Variants in HERC6 observed in about 807,000 individuals in gnomAD.
The protein encoded by HERC6 is probable E3 ubiquitin-protein ligase HERC6.
Under a neutral mutation model 114.5 loss-of-function variants are expected in HERC6, and 101 were observed. The ratio of observed to expected loss-of-function variants is 0.88; its 90% CI spans 0.75 to 1.04. The LOEUF (loss-of-function observed/expected upper bound fraction) is 1.04. Among genes scored for constraint, HERC6 ranks in the 50% least tolerant of loss-of-function variants. The pLI is 0.00. For synonymous variants in HERC6, 408 were observed against 436.2 expected (o/e 0.94, Z 0.81); for missense variants, 1,133 against 1,230.9 (o/e 0.92, Z 1.19).
At position 88,400,486 on chromosome 4, in the gene HERC6, C is replaced by T. The variant is rs930797898; in HGVS notation, c.1092+2277C>T. On this transcript the variant is annotated intron_variant, in intron 8 of 22. Transcript: ENST00000264346. ...TGCTGGGATTACAGGTGTATACCAC[C>T]GTGCCTGGCTCCCAGTAGTACCTCT... Among the ~76,000 whole-genome samples, 4 of 152,308 alleles carry T rather than the reference C, an allele frequency of 2.6e-5. No individual in the cohort carries two copies. The South Asian group carries it at 6.2e-4, about 24-fold the overall frequency.
intron 3 of HERC6, among the ~76,000 whole-genome samples, chr4:88,388,814 A>G (rs931595132): frequency 6.6e-6 from 1 of 152,152 alleles, no homozygotes; most frequent in Admixed American, 6.6e-5. Flanking sequence ...CAGACACGGG[A>G]GGGCCTCAGA....
intron 1 of HERC6, among the ~76,000 whole-genome samples, chr4:88,379,780 T>TAA: frequency 1.1e-5 from 1 of 94,572 alleles, no homozygotes; most frequent in Non-Finnish European, 1.9e-5. Flanking sequence ...TATAAATATA[T>TAA]ATATAACATA....
chr4:88,396,245 C>T, intron 6 of HERC6, 103 bp downstream of exon 6: 1 of 986,478 alleles, frequency 1.0e-6, no homozygotes, highest in Admixed American at 3.5e-5. Flanking sequence ...CTTAAAATTC[C>T]TGCCTGAAAA....
chr4:88,437,096 A>G, intron 19 of HERC6, 125 bp downstream of exon 19: 3 of 638,508 alleles, frequency 4.7e-6, no homozygotes, highest in Non-Finnish European at 7.7e-6. Context: ...TCACTCTGTC[A>G]CCCAGGTTGG....
chr4:88,405,432 A>G (rs892695365), intron 9 of HERC6, 122 bp from the exon 10 acceptor site: 6 of 510,066 alleles, frequency 1.2e-5, no homozygotes, highest in Non-Finnish European at 2.1e-5. Context: ...GACTCTTAAG[A>G]GAGTAGTTAT....
At chr4:88,432,318 G>A (rs1738301134) in intron 17 of HERC6, among the ~76,000 whole-genome samples, 1 of 151,450 alleles carries the variant, frequency 6.6e-6, no homozygotes. Context: ...AAAACTCTGA[G>A]ATCTGAAACA....
chr4:88,402,070 G>A (rs1735571049), intron 8 of HERC6, among the ~76,000 whole-genome samples: 1 of 152,150 alleles, frequency 6.6e-6, no homozygotes, highest in Admixed American at 6.5e-5. Context: ...GATGAAAGAG[G>A]GTGATGAATC....
Position 88,437,767 on chromosome 4 carries a change from G to A in HERC6, c.2541G>A (p.Val847=). 1 of 1,606,788 alleles carries A rather than the reference G, an allele frequency of 6.2e-7. No homozygotes were observed. The highest frequency in any genetic ancestry group is 8.5e-7 in the Non-Finnish European group (1 of 1,175,956). Residue 847 remains valine, a synonymous_variant, in exon 20 of 23, where the codon GTG becomes GTA. Coordinates refer to ENST00000264346, the MANE Select transcript of HERC6 (RefSeq NM_017912.4). ...DLIPNGISIP[V]DQTNKRDYVS... ...TTCCAAATGGGATCTCCATACCTGT[G>A]GACCAAACCAACAAGTAAGTTTTGA...
At chr4:88,437,968 G>A (rs982337051) in intron 20 of HERC6, among the ~76,000 whole-genome samples, 187 bp downstream of exon 20, 5 of 151,864 alleles carry the variant, frequency 3.3e-5, no homozygotes, top group Admixed American at 2.0e-4. Flanking sequence ...GCGAAACCCC[G>A]TCTCTACTAC....
intron 4 of HERC6, 41 bp downstream of exon 4, chr4:88,390,920 T>C: frequency 6.5e-7 from 1 of 1,527,322 alleles, no homozygotes; most frequent in Non-Finnish European, 8.9e-7. Context: ...TCATTCTTTC[T>C]TTCCAGGTGG....
chr4:88,393,862 A>C (rs1453584390), intron 5 of HERC6, among the ~76,000 whole-genome samples: 1 of 152,110 alleles, frequency 6.6e-6, no homozygotes, highest in African/African-American at 2.4e-5. Context: ...TAGTGAAGGG[A>C]GTGAGGGGTC....
rs1739418257 is a variant in HERC6, at chr4:88,442,245, G to T, written c.2854G>T (p.Gly952Ter). 1 of 1,610,396 alleles carries T rather than the reference G, an allele frequency of 6.2e-7. No homozygotes were observed. Among genetic ancestry groups the T allele is most frequent in the East Asian group, 2.2e-5 (1 of 44,842 alleles). Residue 952 changes from glycine (G) to a stop codon, truncating the protein, a stop_gained, in exon 23 of 23, where the codon GGA becomes TGA. Transcript: ENST00000264346. LOFTEE classifies it low-confidence loss of function (END_TRUNC). ...EKKKFLFFLTGRDRLHARGIQ... is the reference protein window; with the variant it reads ...EKKKFLFFLT ...TTATTCCTTTCTAGTTTTCCTTACA[G>T]GACGTGATAGGCTGCATGCAAGAGG...
At chr4:88,436,814 C>G in intron 18 of HERC6, 91 bp from the exon 19 acceptor site, 1 of 819,190 alleles carries the variant, frequency 1.2e-6, no homozygotes, top group East Asian at 2.8e-5. Context: ...TTATACATTT[C>G]TATATTGTTC....
chr4:88,390,177 CAAAA>C (rs1156777502), intron 3 of HERC6, among the ~76,000 whole-genome samples: 1 of 48,642 alleles, frequency 2.1e-5, no homozygotes, highest in Admixed American at 2.4e-4. Context: ...AACTCTGTAT[CAAAA>C]AAAAAAAAAA....
In HERC6 at chr4:88,442,395, G is replaced by C. The variant is rs1385360758; in HGVS notation, c.3004G>C (p.Glu1002Gln). 1.2e-6 allele frequency: 2 copies of C among 1,613,994 alleles called. No homozygotes were observed. Among genetic ancestry groups the C allele is most frequent in the Middle Eastern group, 1.7e-4 (1 of 6,058 alleles). Reference sequence around the variant, plus strand: ...GTATTCTACAATGGAAAGAATGGAGGAAGCACTTCAAGTAGCCATCAACAA... The same window carrying C: ...GTATTCTACAATGGAAAGAATGGAGCAAGCACTTCAAGTAGCCATCAACAA... ...PKYSTMERME[E>Q]ALQVAINNNR... Residue 1002 changes from glutamate to glutamine, a missense_variant, in exon 23 of 23, where the codon GAA becomes CAA. Transcript: ENST00000264346.
At chr4:88,426,262 G>T (rs972802071) in intron 15 of HERC6, among the ~76,000 whole-genome samples, 1 of 151,704 alleles carries the variant, frequency 6.6e-6, no homozygotes, top group Non-Finnish European at 1.5e-5. Flanking sequence ...TCTGCCTCCC[G>T]GGTTCAAGCG....
chr4:88,389,712 T>C (rs1027367745), intron 3 of HERC6, among the ~76,000 whole-genome samples: 4 of 152,156 alleles, frequency 2.6e-5, no homozygotes, highest in Non-Finnish European at 4.4e-5. Flanking sequence ...TAATCTCATT[T>C]TTTTCTTCAT....
chr4:88,429,709 G>C (rs1174604823), intron 16 of HERC6, among the ~76,000 whole-genome samples: 1 of 152,134 alleles, frequency 6.6e-6, no homozygotes, highest in Non-Finnish European at 1.5e-5. Context: ...TGGGAAGTGG[G>C]ATTCAGATAA....
At chr4:88,386,194 CTTTTCTTTTTTT>C (rs1460040895) in intron 3 of HERC6, among the ~76,000 whole-genome samples, 5 of 141,124 alleles carry the variant, frequency 3.5e-5, no homozygotes, top group Non-Finnish European at 6.2e-5. Context: ...TATCTTTTTT[CTTTTCTTTTTTT>C]TTTTTTTTTT....
Sources: gnomAD v4.1 joint callset for allele counts (sites outside exome capture counted in the v4.1 genomes callset) on GRCh38, gnomAD v4.1.1 for gene constraint, MANE v1.5 for transcripts, NCBI Gene and HGNC (gene_info 2026-07-23, HGNC 2026-07-21) for gene names.